Variants in STARD9 observed in about 807,000 individuals in gnomAD.
The protein encoded by STARD9 is StAR related lipid transfer domain containing 9, also known as stAR-related lipid transfer protein 9.
STARD9 carries 346 observed loss-of-function variants against 399.8 expected under a neutral mutation model. The ratio of observed to expected loss-of-function variants is 0.87; its 90% CI spans 0.79 to 0.95. STARD9 has a LOEUF of 0.95. Ranked by LOEUF, STARD9 falls within the 40% of genes least tolerant of loss-of-function variation. The pLI is 0.00. For synonymous variants in STARD9, 2,203 were observed against 2,143.5 expected (o/e 1.03, Z -0.77); for missense variants, 5,832 against 5,667.5 (o/e 1.03, Z -0.93).
intron 4 of STARD9, among the ~76,000 whole-genome samples, chr15:42,635,578 C>T (rs2059404294): frequency 6.6e-6 from 1 of 152,068 alleles, no homozygotes; most frequent in Admixed American, 6.5e-5. Flanking sequence ...ATCTGCCCGC[C>T]TCGGCCTCCC....
At chr15:42,613,010 A>G (rs999134936) in intron 3 of STARD9, among the ~76,000 whole-genome samples, 1 of 148,946 alleles carries the variant, frequency 6.7e-6, no homozygotes, top group African/African-American at 2.5e-5. Context: ...AAAAAAAAAA[A>G]GAGCAACATC....
At chr15:42,656,527 A>T (rs2059876886) in intron 9 of STARD9, among the ~76,000 whole-genome samples, 1 of 152,088 alleles carries the variant, frequency 6.6e-6, no homozygotes, top group Admixed American at 6.6e-5. Flanking sequence ...AGATACTTGC[A>T]CATGCATGTT....
chr15:42,575,816 G>T (rs903049912), intron 1 of STARD9, 54 bp downstream of exon 1: 5 of 1,508,622 alleles, frequency 3.3e-6, no homozygotes, highest in Non-Finnish European at 4.5e-6. Flanking sequence ...GAAAAGAGCG[G>T]GAGGTCCGCG....
chr15:42,675,285 A>C (rs747273742), intron 18 of STARD9, among the ~76,000 whole-genome samples: 1 of 152,216 alleles, frequency 6.6e-6, no homozygotes, highest in South Asian at 2.1e-4. Context: ...TGAACCTTAT[A>C]GTTCTTAACA....
intron 3 of STARD9, among the ~76,000 whole-genome samples, chr15:42,607,051 G>A (rs1370182551): frequency 1.3e-5 from 2 of 151,392 alleles, no homozygotes; most frequent in African/African-American, 4.9e-5. Flanking sequence ...GGGCTCAAGT[G>A]ATCCTACCAC....
intron 3 of STARD9, among the ~76,000 whole-genome samples, chr15:42,617,565 A>C (rs922589177): frequency 6.6e-6 from 1 of 152,162 alleles, no homozygotes; most frequent in Admixed American, 6.5e-5. Flanking sequence ...TCCTGTGTAC[A>C]TAAATATACA....
chr15:42,689,928 C>T lies in STARD9; in HGVS notation c.8350C>T (p.Gln2784Ter). 6.5e-7 allele frequency: 1 copy of T among 1,537,690 alleles called. No individual in the cohort carries two copies. Among genetic ancestry groups the T allele is most frequent in the South Asian group, 1.2e-5 (1 of 84,060 alleles). ...PGSQDSSPEHQEPRTLDTTYG... is the reference protein window; with the variant it reads ...PGSQDSSPEH ...CAGTCAGGACAGCAGCCCAGAGCATCAGGAACCCAGAACTCTAGACACCAC... is the reference window on the plus strand; with the variant it reads ...CAGTCAGGACAGCAGCCCAGAGCATTAGGAACCCAGAACTCTAGACACCAC... The change falls in exon 23 of 33, where the codon CAG becomes TAG. Residue 2784 changes from glutamine (Q) to a stop codon, truncating the protein, a stop_gained. Transcript: ENST00000290607. LOFTEE classifies it high-confidence loss of function.
intron 26 of STARD9, among the ~76,000 whole-genome samples, chr15:42,698,244 G>A (rs1483856083): frequency 1.3e-5 from 2 of 152,124 alleles, no homozygotes; most frequent in African/African-American, 2.4e-5. Context: ...AAATATATTT[G>A]TGGGATAAAT....
intron 3 of STARD9, among the ~76,000 whole-genome samples, chr15:42,626,700 C>A (rs1296863596): frequency 6.7e-6 from 1 of 149,310 alleles, no homozygotes; most frequent in African/African-American, 2.5e-5. Context: ...TTAGTAGAGA[C>A]GGGGTTTCAC....
chr15:42,637,403 C>T (rs1340361630), intron 4 of STARD9, among the ~76,000 whole-genome samples: 1 of 152,032 alleles, frequency 6.6e-6, no homozygotes, highest in Non-Finnish European at 1.5e-5. Flanking sequence ...TTAGTAGAGA[C>T]AGGGTCTCCG....
In STARD9 at chr15:42,684,550, G is replaced by A. The variant is rs1269775729; in HGVS notation, c.2972G>A (p.Arg991Gln). The change falls in exon 23 of 33, where the codon CGA becomes CAA. Residue 991 changes from arginine (R) to glutamine (Q), a missense_variant. This residue lies in a region of STARD9 where 5,828 missense variants were observed against 5,651.1 expected (regional missense o/e 1.03). Coordinates refer to ENST00000290607, the MANE Select transcript of STARD9 (RefSeq NM_020759.3). Reference protein sequence around the residue: ...ADPSHTQAGWRKEGNLGTHKA... With the variant: ...ADPSHTQAGWQKEGNLGTHKA... ...CCTAGCCACACACAAGCTGGGTGGC[G>A]AAAAGAAGGGAACCTTGGGACCCAC... is the stretch of plus-strand genomic sequence containing the variant. The A allele has an allele frequency of 5.2e-6, 8 of 1,537,222 alleles. No individual in the cohort carries two copies. The East Asian group carries it at 7.3e-5, about 14-fold the overall frequency.
Position 42,684,331 on chromosome 15 carries a change from C to T in STARD9, c.2753C>T (p.Pro918Leu), listed in dbSNP as rs1294133289. The T allele has an allele frequency of 6.5e-7, 1 of 1,536,464 alleles. No individual in the cohort carries two copies. The highest frequency in any genetic ancestry group is 8.7e-7 in the Non-Finnish European group (1 of 1,146,406). Residue 918 changes from proline (P) to leucine (L), a missense_variant, in exon 23 of 33, where the codon CCA becomes CTA. Pro to Leu is a moderately conservative substitution (Grantham distance 98, BLOSUM62 -3). Transcript: ENST00000290607. ...TTGGCCAGGAAGGGAGCCTCAGCTC[C>T]AGACGCTTGCCTCACCATGAGTCCC... is the stretch of plus-strand genomic sequence containing the variant. The part of the protein sequence containing the change: ...AALARKGASA[P>L]DACLTMSPNS...
chr15:42,663,729 T>C, intron 12 of STARD9, 91 bp from the exon 13 acceptor site: 1 of 1,024,360 alleles, frequency 9.8e-7, no homozygotes, highest in South Asian at 1.4e-5. Flanking sequence ...ATCAGGGGTC[T>C]TATACAGCAT....
chr15:42,654,741 A>G (rs562713483), intron 9 of STARD9, among the ~76,000 whole-genome samples: 1 of 152,358 alleles, frequency 6.6e-6, no homozygotes, highest in South Asian at 2.1e-4. Context: ...AGACCTGTAC[A>G]AGAAGAACTA....
intron 9 of STARD9, among the ~76,000 whole-genome samples, chr15:42,652,974 G>A (rs1250516636): frequency 6.6e-6 from 1 of 152,074 alleles, no homozygotes; most frequent in African/African-American, 2.4e-5. Context: ...CATCGTTCCC[G>A]GCCCTGTTTC....
At chr15:42,583,489 G>T (rs1201511460) in intron 2 of STARD9, 74 bp downstream of exon 2, 14 of 1,098,864 alleles carry the variant, frequency 1.3e-5, no homozygotes, top group Non-Finnish European at 1.7e-5. Context: ...CAGGCTGAAG[G>T]TGTATATGTG....
At chr15:42,654,487 A>C (rs1241448119) in intron 9 of STARD9, among the ~76,000 whole-genome samples, 1 of 152,220 alleles carries the variant, frequency 6.6e-6, no homozygotes. Flanking sequence ...GAGGAAGTCA[A>C]ACTGTTGCTG....
chr15:42,590,123 C>T lies in STARD9; in HGVS notation c.234+4486C>T, dbSNP rs563618960. ...CTACAGATACGTGTGCCACCATGCT[C>T]GGCTAAGTTTTGTAGTTTTTGTAGA... is the stretch of plus-strand genomic sequence containing the variant. On this transcript the variant is annotated intron_variant, in intron 3 of 32. Coordinates refer to ENST00000290607, the MANE Select transcript of STARD9 (RefSeq NM_020759.3). Among the ~76,000 whole-genome samples the T allele has an allele frequency of 7.4e-4, 112 of 151,884 alleles. 1 individual carries two copies. The highest frequency in any genetic ancestry group is 2.4e-3 in the African/African-American group (98 of 41,408).
At chr15:42,643,457 A>C (rs1443710276) in intron 7 of STARD9, among the ~76,000 whole-genome samples, 21 of 150,478 alleles carry the variant, frequency 1.4e-4, no homozygotes, top group Non-Finnish European at 3.0e-4. Context: ...TGGCCTCCCA[A>C]AGTGTTGGGA....
Sources: gnomAD v4.1 joint callset for allele counts (sites outside exome capture counted in the v4.1 genomes callset) on GRCh38, gnomAD v4.1.1 for gene constraint, gnomAD v4.1.1 regional missense constraint, MANE v1.5 for transcripts, NCBI Gene and HGNC (gene_info 2026-07-23, HGNC 2026-07-21) for gene names.